PRND: variants seen among roughly 807,000 people sequenced by gnomAD.
PRND encodes prion like protein doppel, also known as prion-like protein doppel.
For missense variants in PRND, 227 were observed against 223.3 expected (o/e 1.02, Z -0.11); for synonymous variants, 94 against 93.2 (o/e 1.01, Z -0.05).
chr20:4,726,631 G>A lies in PRND; in HGVS notation c.*1549G>A, dbSNP rs1214525207. 1 of 167,118 alleles carries A rather than the reference G, an allele frequency of 6.0e-6. No individual in the cohort carries two copies. Among genetic ancestry groups the A allele is most frequent in the African/African-American group, 2.4e-5 (1 of 41,470 alleles). 10.4% of individuals were successfully genotyped at this position (167,118 alleles called of 1,614,324 possible). ...AGGCCACTCTCAGAGACTCCCAGGA[G>A]TTGTTGAACTATATTTGGAGAAAAC... On this transcript the variant is annotated 3_prime_UTR_variant, in exon 2 of 2. Transcript: ENST00000305817.
In PRND at chr20:4,724,508, TG is replaced by T; in HGVS notation, c.-11-29del. 1.2e-6 allele frequency: 2 copies of T among 1,613,070 alleles called. No homozygotes were observed. Among genetic ancestry groups the T allele is most frequent in the Middle Eastern group, 1.7e-4 (1 of 5,720 alleles). On this transcript the variant is annotated intron_variant, in intron 1 of 1. Transcript: ENST00000305817. This position sits in a 1 kb window ranked among gnomAD's most constrained non-coding sequence, Gnocchi z 4.8. ...GGCAGGGGAGCCCAGGCAGGCCTGG[TG>T]GGGAGCTGACCCACCGCCGTTTCTC...
At chr20:4,722,928 G>A (rs906114078) in intron 1 of PRND, among the ~76,000 whole-genome samples, 3 of 152,138 alleles carry the variant, frequency 2.0e-5, no homozygotes, top group African/African-American at 7.2e-5. Flanking sequence ...TAAGGTGTGG[G>A]GTGAGGGGCT....
chr20:4,726,518 T>C lies in PRND; in HGVS notation c.*1436T>C, dbSNP rs1023118691. On this transcript the variant is annotated 3_prime_UTR_variant, in exon 2 of 2. Transcript: ENST00000305817. ...TACACCACCTTATTAGCTAAAAATA[T>C]ATATAACACAATATGAGTAATGTTT... 6.0e-6 allele frequency: 1 copy of C among 167,078 alleles called. No homozygotes were observed. Among genetic ancestry groups the C allele is most frequent in the Admixed American group, 6.5e-5 (1 of 15,274 alleles). 10.3% of individuals were successfully genotyped at this position (167,078 alleles called of 1,614,324 possible). A position where few individuals can be genotyped will look rare whatever the true frequency, so the allele number is the denominator to read the frequency against.
chr20:4,726,702 G>C lies in PRND; in HGVS notation c.*1620G>C, dbSNP rs1923280173. On this transcript the variant is annotated 3_prime_UTR_variant, in exon 2 of 2. Coordinates refer to ENST00000305817, the MANE Select transcript of PRND (RefSeq NM_012409.4). ...TCTCCTTTAAAGAGAGTTTGTAAGG[G>C]GGGAACATGCATTTTATCAGACAAT... 1.8e-5 allele frequency: 3 copies of C among 167,090 alleles called. No homozygotes were observed. The Admixed American group carries it at 2.0e-4, about 11-fold the overall frequency. 10.4% of individuals were successfully genotyped at this position (167,090 alleles called of 1,614,324 possible).
intron 1 of PRND, among the ~76,000 whole-genome samples, chr20:4,722,454 C>T (rs936471970): frequency 6.6e-6 from 1 of 150,818 alleles, no homozygotes; most frequent in Non-Finnish European, 1.5e-5. Context: ...GGTCCAGATG[C>T]TCATAGCCAC....
chr20:4,723,524 C>A (rs1215077939), intron 1 of PRND, among the ~76,000 whole-genome samples: 1 of 152,186 alleles, frequency 6.6e-6, no homozygotes, highest in East Asian at 1.9e-4. Context: ...TCCCTTCCTT[C>A]CTCCTCCTCT....
Position 4,727,401 on chromosome 20 carries a change from G to A in PRND, c.*2319G>A, listed in dbSNP as rs1018239662. ...TTGATGAATCATGGGGTGGAATAAA[G>A]GCTGAGTTTAGTTTTTCACTTTAGC... On this transcript the variant is annotated 3_prime_UTR_variant, in exon 2 of 2. Transcript: ENST00000305817. 3.0e-5 allele frequency: 5 copies of A among 167,086 alleles called. No individual in the cohort carries two copies. Among genetic ancestry groups the A allele is most frequent in the African/African-American group, 1.2e-4 (5 of 41,446 alleles). 10.4% of individuals were successfully genotyped at this position (167,086 alleles called of 1,614,324 possible).
At chr20:4,723,545 A>G (rs889655206) in intron 1 of PRND, among the ~76,000 whole-genome samples, 10 of 152,048 alleles carry the variant, frequency 6.6e-5, no homozygotes, top group African/African-American at 1.9e-4. Context: ...CTCTCTCATT[A>G]CTGCAAAGCC....
Position 4,727,004 on chromosome 20 carries a change from A to T in PRND, c.*1922A>T, listed in dbSNP as rs1923290443. 1 of 167,104 alleles carries T rather than the reference A, an allele frequency of 6.0e-6. No homozygotes were observed. The highest frequency in any genetic ancestry group is 6.5e-5 in the Admixed American group (1 of 15,286). The allele number at this position is 167,104 out of a possible 1,614,324, so 10.4% of individuals were successfully genotyped here. A position where few individuals can be genotyped will look rare whatever the true frequency, so the allele number is the denominator to read the frequency against. ...GTTAATTCTAGATCAGAGAGCAAGA[A>T]AAAAGTACAGAACATATCCTCTACG... On this transcript the variant is annotated 3_prime_UTR_variant, in exon 2 of 2. Transcript: ENST00000305817.
rs781588014 is a variant in PRND, at chr20:4,726,473, A to G, written c.*1391A>G. 2.4e-5 allele frequency: 4 copies of G among 167,116 alleles called. No homozygotes were observed. The highest frequency in any genetic ancestry group is 5.9e-5 in the Non-Finnish European group (4 of 68,126). The allele number at this position is 167,116 out of a possible 1,614,324, so 10.4% of individuals were successfully genotyped here. On this transcript the variant is annotated 3_prime_UTR_variant, in exon 2 of 2. Coordinates refer to ENST00000305817, the MANE Select transcript of PRND (RefSeq NM_012409.4). ...GGAGACCCAATAAAGAATGCAATCCATGCCATAAGCAGGAGTTGATACACC... is the reference window on the plus strand; with the variant it reads ...GGAGACCCAATAAAGAATGCAATCCGTGCCATAAGCAGGAGTTGATACACC...
At chr20:4,723,449 G>C (rs1439758630) in intron 1 of PRND, among the ~76,000 whole-genome samples, 2 of 152,188 alleles carry the variant, frequency 1.3e-5, no homozygotes, top group African/African-American at 4.8e-5. Context: ...TGGAAAGGAT[G>C]CCTGGAGCAC....
At position 4,727,064 on chromosome 20, in the gene PRND, C is replaced by A. The variant is rs1268878885; in HGVS notation, c.*1982C>A. 2 of 166,986 alleles carry A rather than the reference C, an allele frequency of 1.2e-5. No individual in the cohort carries two copies. The highest frequency in any genetic ancestry group is 4.8e-5 in the African/African-American group (2 of 41,410). The allele number at this position is 166,986 out of a possible 1,614,324, so 10.3% of individuals were successfully genotyped here. A position where few individuals can be genotyped will look rare whatever the true frequency, so the allele number is the denominator to read the frequency against. Reference sequence around the variant, plus strand: ...TGCTTTCTAATTAAAAAAATAATAACCATGGCAAGAGAGAAAGAAAGAGAA... The same window carrying A: ...TGCTTTCTAATTAAAAAAATAATAAACATGGCAAGAGAGAAAGAAAGAGAA... On this transcript the variant is annotated 3_prime_UTR_variant, in exon 2 of 2. Coordinates refer to ENST00000305817, the MANE Select transcript of PRND (RefSeq NM_012409.4).
chr20:4,725,547 G>A lies in PRND; in HGVS notation c.*465G>A. 1 of 180,370 alleles carries A rather than the reference G, an allele frequency of 5.5e-6. No individual in the cohort carries two copies. The highest frequency in any genetic ancestry group is 1.3e-5 in the Non-Finnish European group (1 of 74,842). The allele number at this position is 180,370 out of a possible 1,614,324, so 11.2% of individuals were successfully genotyped here. On this transcript the variant is annotated 3_prime_UTR_variant, in exon 2 of 2. Coordinates refer to ENST00000305817, the MANE Select transcript of PRND (RefSeq NM_012409.4). ...AGGTTTTCTGCTCTGTCCAATTCCA[G>A]AGCTGTCTGGTGATCACTTTATGTC...
rs2756263 is a variant in PRND at position 4,725,110 on chromosome 20, T to C, written c.*28T>C. 822,847 of 1,601,780 alleles carry C rather than the reference T, an allele frequency of 0.51. 214,944 individuals are homozygous for C. The highest frequency in any genetic ancestry group is 0.69 in the African/African-American group (51,614 of 74,494). On this transcript the variant is annotated 3_prime_UTR_variant, in exon 2 of 2. Transcript: ENST00000305817. ...TTGCCAGGAGGCTGGCAGTACAGAG[T>C]GCAGCAGCGAGCAAATCCTGGCAAG...
In PRND at chr20:4,724,063, T is replaced by C. The variant is rs950422113; in HGVS notation, c.-11-478T>C. Among the ~76,000 whole-genome samples, 6 of 151,472 alleles carry C rather than the reference T, an allele frequency of 4.0e-5. No individual in the cohort carries two copies. The highest frequency in any genetic ancestry group is 8.8e-5 in the Non-Finnish European group (6 of 67,938). ...ATATATGTATATATGTGTGTGTATA[T>C]ACGTGTATATATACATATATATGTG... On this transcript the variant is annotated intron_variant, in intron 1 of 1. Transcript: ENST00000305817. This position sits in a 1 kb window ranked among gnomAD's most constrained non-coding sequence, Gnocchi z 4.8.
rs1202946295 is a variant in PRND, at chr20:4,727,601, ACAGATATTC to A, written c.*2524_*2532del. ...TTGTAAAAGTGACATGAAAATTACA[ACAGATATTC>A]CAGACCAAAATAATACAACAATCCC... is the stretch of plus-strand genomic sequence containing the variant. On this transcript the variant is annotated 3_prime_UTR_variant, in exon 2 of 2. Coordinates refer to ENST00000305817, the MANE Select transcript of PRND (RefSeq NM_012409.4). 2.4e-5 allele frequency: 4 copies of A among 167,066 alleles called. No individual in the cohort carries two copies. The highest frequency in any genetic ancestry group is 5.9e-5 in the Non-Finnish European group (4 of 68,108). The allele number at this position is 167,066 out of a possible 1,614,324, so 10.3% of individuals were successfully genotyped here. A position where few individuals can be genotyped will look rare whatever the true frequency, so the allele number is the denominator to read the frequency against.
chr20:4,724,951 C>A lies in PRND; in HGVS notation c.400C>A (p.Arg134=). The A allele has an allele frequency of 6.2e-7, 1 of 1,614,078 alleles. No individual in the cohort carries two copies. Among genetic ancestry groups the A allele is most frequent in the Non-Finnish European group, 8.5e-7 (1 of 1,180,046 alleles). The change falls in exon 2 of 2, where the codon CGG becomes AGG. Residue 134 remains arginine (R), a synonymous_variant. Transcript: ENST00000305817. The surrounding 1 kb of genome is among the most constrained non-coding windows in gnomAD (Gnocchi z 4.8). ...CAAGCTCCACCAGCAGGTGCTCTGGCGGCTGGTCCAGGAGCTCTGCTCCCT... is the reference window on the plus strand; with the variant it reads ...CAAGCTCCACCAGCAGGTGCTCTGGAGGCTGGTCCAGGAGCTCTGCTCCCT... ...DNKLHQQVLW[R]LVQELCSLKH...
rs1275321474 is a variant in PRND at position 4,727,475 on chromosome 20, C to T, written c.*2393C>T. ...ATGTGCGAGACATTGGGAGGGGCTTCTGAATTATTCTGGATATCGTCATTT... is the reference window on the plus strand; with the variant it reads ...ATGTGCGAGACATTGGGAGGGGCTTTTGAATTATTCTGGATATCGTCATTT... On this transcript the variant is annotated 3_prime_UTR_variant, in exon 2 of 2. Coordinates refer to ENST00000305817, the MANE Select transcript of PRND (RefSeq NM_012409.4). The T allele has an allele frequency of 1.2e-5, 2 of 167,070 alleles. No individual in the cohort carries two copies. Among genetic ancestry groups the T allele is most frequent in the African/African-American group, 4.8e-5 (2 of 41,452 alleles). 10.3% of individuals were successfully genotyped at this position (167,070 alleles called of 1,614,324 possible).
chr20:4,728,281 C>T lies in PRND; in HGVS notation c.*3199C>T, dbSNP rs1289932735. On this transcript the variant is annotated 3_prime_UTR_variant, in exon 2 of 2. Coordinates refer to ENST00000305817, the MANE Select transcript of PRND (RefSeq NM_012409.4). ...ATTTGGCTTCCCTAACTTAACATTG[C>T]ATCATGAAACTCTTTGGAACAACAG... is the stretch of plus-strand genomic sequence containing the variant. The T allele has an allele frequency of 6.0e-6, 1 of 167,070 alleles. No individual in the cohort carries two copies. The highest frequency in any genetic ancestry group is 2.4e-5 in the African/African-American group (1 of 41,446). 10.3% of individuals were successfully genotyped at this position (167,070 alleles called of 1,614,324 possible). A position where few individuals can be genotyped will look rare whatever the true frequency, so the allele number is the denominator to read the frequency against.
Sources: allele counts gnomAD v4.1 joint callset (sites outside exome capture counted in the v4.1 genomes callset), GRCh38; gene constraint gnomAD v4.1.1; non-coding constraint Gnocchi (gnomAD v3.1); transcripts MANE v1.5; gene names NCBI Gene and HGNC (gene_info 2026-07-23, HGNC 2026-07-21).